The following BBOX1 variants were observed in gnomAD, a reference collection of about 807,000 sequenced individuals.
The protein encoded by BBOX1 is gamma-butyrobetaine dioxygenase.
Under a neutral mutation model 41.6 loss-of-function variants are expected in BBOX1, and 35 were observed. The observed-to-expected ratio is 0.84, with a 90% CI of 0.64 to 1.11. The LOEUF (loss-of-function observed/expected upper bound fraction) is 1.11, where lower values mean the gene tolerates loss of function less well. Ranked by LOEUF, BBOX1 falls within the 50% of genes most tolerant of loss-of-function variation. The probability of loss-of-function intolerance (pLI) is 0.00; values close to 1 mark genes in which losing one functional copy is unlikely to be tolerated. For missense variants in BBOX1, 458 were observed against 460.6 expected (o/e 0.99, Z 0.05); for synonymous variants, 163 against 154.7 (o/e 1.05, Z -0.40).
Position 27,119,806 on chromosome 11 carries a change from A to T in BBOX1, c.797A>T (p.Tyr266Phe), listed in dbSNP as rs757222388. The T allele has an allele frequency of 6.4e-7, 1 of 1,573,444 alleles. No individual in the cohort carries two copies. Among genetic ancestry groups the T allele is most frequent in the Non-Finnish European group, 8.6e-7 (1 of 1,163,366 alleles). Residue 266 changes from tyrosine to phenylalanine, a missense_variant, in exon 7 of 9, where the codon TAC becomes TTC. By Grantham distance (22) the Tyr-to-Phe change is conservative (BLOSUM62 3). Coordinates refer to ENST00000263182, the MANE Select transcript of BBOX1 (RefSeq NM_003986.3). ...FVDFTDIGVD[Y>F]CDFSVQSKHK... ...GACTTTACAGACATTGGAGTGGATT[A>T]CTGTGATTTTTCTGTACAATCAAAA...
chr11:27,043,366 AT>A (rs950739306), intron 2 of BBOX1, among the ~76,000 whole-genome samples: 6 of 145,386 alleles, frequency 4.1e-5, no homozygotes, highest in South Asian at 2.3e-4. Flanking sequence ...CCCTGTCCTA[AT>A]TTTTTTTAAG....
intron 4 of BBOX1, among the ~76,000 whole-genome samples, chr11:27,079,664 G>A (rs1234034223): frequency 6.6e-6 from 1 of 152,074 alleles, no homozygotes; most frequent in Non-Finnish European, 1.5e-5. Flanking sequence ...TATATGATGG[G>A]CAATGATAGA....
In BBOX1 at chr11:27,102,771, A is replaced by C. The variant is rs1245441838; in HGVS notation, c.533+9405A>C. Among the ~76,000 whole-genome samples the C allele has an allele frequency of 3.3e-5, 5 of 150,334 alleles. No individual in the cohort carries two copies. The East Asian group carries it at 9.7e-4, about 29-fold the overall frequency. On this transcript the variant is annotated intron_variant, in intron 5 of 8. Coordinates refer to ENST00000263182, the MANE Select transcript of BBOX1 (RefSeq NM_003986.3). The stretch of plus-strand genomic sequence containing the variant: ...GGAACAGTATTCTCTGAATTCTTGC[A>C]TGTTGACAGCAGTTTTAAGGCCTTT...
At chr11:27,076,143 G>C (rs1857623060) in intron 4 of BBOX1, among the ~76,000 whole-genome samples, 1 of 152,160 alleles carries the variant, frequency 6.6e-6, no homozygotes. Flanking sequence ...GCTCCTCTGG[G>C]TCTAGCCACC....
intron 4 of BBOX1, among the ~76,000 whole-genome samples, chr11:27,075,754 A>G (rs934425660): frequency 5.3e-5 from 8 of 152,132 alleles, no homozygotes; most frequent in African/African-American, 1.7e-4. Flanking sequence ...CCCAGAGGGC[A>G]CTCCTCTTGT....
At chr11:27,056,449 G>A (rs1377480306) in intron 3 of BBOX1, among the ~76,000 whole-genome samples, 3 of 151,882 alleles carry the variant, frequency 2.0e-5, no homozygotes, top group Admixed American at 6.6e-5. Flanking sequence ...GTAAAGACGG[G>A]GTTTCACCAT....
intron 2 of BBOX1, among the ~76,000 whole-genome samples, chr11:27,052,902 G>T (rs543640088): frequency 6.6e-6 from 1 of 152,088 alleles, no homozygotes; most frequent in East Asian, 1.9e-4. Context: ...CAGAAAGGAA[G>T]TGGAAAAAAA....
chr11:27,103,436 T>G (rs1858740670), intron 5 of BBOX1, among the ~76,000 whole-genome samples: 1 of 152,140 alleles, frequency 6.6e-6, no homozygotes, highest in Non-Finnish European at 1.5e-5. Flanking sequence ...AAGTATATCT[T>G]AAGTCTTCTT....
intron 2 of BBOX1, among the ~76,000 whole-genome samples, chr11:27,053,541 G>A (rs1021686305): frequency 7.2e-5 from 11 of 152,170 alleles, no homozygotes; most frequent in East Asian, 1.9e-4. Context: ...CCTTGACACC[G>A]GTTAAAATGT....
At chr11:27,101,691 TTTTTA>T (rs1335705230) in intron 5 of BBOX1, among the ~76,000 whole-genome samples, 3 of 152,250 alleles carry the variant, frequency 2.0e-5, no homozygotes, top group East Asian at 3.9e-4. Flanking sequence ...AAGATTTCTT[TTTTTA>T]TTTTATTTTT....
chr11:27,048,869 G>T (rs1182641236), intron 2 of BBOX1, among the ~76,000 whole-genome samples: 1 of 148,252 alleles, frequency 6.7e-6, no homozygotes, highest in Non-Finnish European at 1.5e-5. Context: ...CTAGCATTAG[G>T]TATATCTCCC....
intron 4 of BBOX1, among the ~76,000 whole-genome samples, chr11:27,070,920 T>G (rs936301159): frequency 3.9e-5 from 6 of 152,138 alleles, no homozygotes; most frequent in African/African-American, 1.4e-4. Context: ...CATCAACCTT[T>G]TGTTTCAAGT....
At chr11:27,085,281 A>C (rs570487259) in intron 4 of BBOX1, among the ~76,000 whole-genome samples, 2 of 152,314 alleles carry the variant, frequency 1.3e-5, no homozygotes, top group East Asian at 3.9e-4. Context: ...CATTTTTTAC[A>C]AATTGAAGGC....
intron 4 of BBOX1, among the ~76,000 whole-genome samples, chr11:27,073,614 T>A (rs1265280221): frequency 1.3e-5 from 2 of 151,814 alleles, no homozygotes; most frequent in Non-Finnish European, 2.9e-5. Flanking sequence ...AATGCACACG[T>A]ATGTTTATTG....
intron 4 of BBOX1, among the ~76,000 whole-genome samples, chr11:27,090,954 G>A (rs760800163): frequency 2.6e-5 from 4 of 151,860 alleles, no homozygotes; most frequent in Non-Finnish European, 2.9e-5. Context: ...AACCCCGCAG[G>A]CAGTCAGACC....
intron 5 of BBOX1, among the ~76,000 whole-genome samples, chr11:27,097,864 T>C (rs937706135): frequency 3.3e-5 from 5 of 152,032 alleles, no homozygotes; most frequent in African/African-American, 1.2e-4. Context: ...TAAATAGGTG[T>C]GGCAAAATAA....
At chr11:27,048,852 TCGTCATC>T (rs1851576045) in intron 2 of BBOX1, among the ~76,000 whole-genome samples, 1 of 146,176 alleles carries the variant, frequency 6.8e-6, no homozygotes, top group South Asian at 2.2e-4. Flanking sequence ...ACCCACTAAC[TCGTCATC>T]TAGCATTAGG....
intron 4 of BBOX1, among the ~76,000 whole-genome samples, chr11:27,059,516 T>C (rs1022966227): frequency 1.3e-5 from 2 of 152,162 alleles, no homozygotes; most frequent in African/African-American, 2.4e-5. Flanking sequence ...CACTACCTAA[T>C]GGAGCTGTGG....
chr11:27,057,217 C>G lies in BBOX1; in HGVS notation c.236C>G (p.Pro79Arg). 6.2e-7 allele frequency: 1 copy of G among 1,605,958 alleles called. No individual in the cohort carries two copies. Among genetic ancestry groups the G allele is most frequent in the Non-Finnish European group, 8.5e-7 (1 of 1,178,044 alleles). ...FDRKKVYITWPDEHYSEFQAD... is the reference protein window; with the variant it reads ...FDRKKVYITWRDEHYSEFQAD... ...TGTTATAAGGTGTACATCACATGGC[C>G]CGATGAGCATTACAGTGAATTCCAG... is the stretch of plus-strand genomic sequence containing the variant. Residue 79 changes from proline to arginine, a missense_variant, in exon 4 of 9, where the codon CCC becomes CGC. By Grantham distance (103) the Pro-to-Arg change is moderately radical. Transcript: ENST00000263182.
Sources: gnomAD v4.1 joint callset for allele counts (sites outside exome capture counted in the v4.1 genomes callset) on GRCh38, gnomAD v4.1.1 for gene constraint, MANE v1.5 for transcripts, NCBI Gene and HGNC (gene_info 2026-07-23, HGNC 2026-07-21) for gene names.